Variants in FER1L6 observed in about 807,000 individuals in gnomAD.
FER1L6 encodes the protein fer-1-like protein 6.
A neutral mutation model predicts 219.2 loss-of-function variants in FER1L6; 177 were observed. The observed-to-expected ratio is 0.81, with a 90% CI of 0.71 to 0.91. The LOEUF (loss-of-function observed/expected upper bound fraction) is 0.91. Ranked by LOEUF, FER1L6 falls within the 40% of genes least tolerant of loss-of-function variation. The pLI is 0.00. For missense variants in FER1L6, 2,153 were observed against 2,259.9 expected (o/e 0.95, Z 0.96); for synonymous variants, 768 against 824.3 (o/e 0.93, Z 1.17).
At chr8:123,885,594 T>G (rs111623690) in intron 1 of FER1L6, among the ~76,000 whole-genome samples, 3,731 of 152,318 alleles carry the variant, frequency 0.024, 102 homozygotes, top group Non-Finnish European at 0.034. Context: ...GATTTAGGTA[T>G]TATTACTATT....
intron 1 of FER1L6, among the ~76,000 whole-genome samples, chr8:123,923,445 A>T (rs566209674): frequency 1.6e-4 from 25 of 152,220 alleles, no homozygotes; most frequent in Non-Finnish European, 2.9e-4. Flanking sequence ...GCAACTTCAT[A>T]TAGTTCAACT....
intron 1 of FER1L6, among the ~76,000 whole-genome samples, chr8:123,867,103 C>G (rs544339911): frequency 8.8e-4 from 134 of 152,116 alleles, no homozygotes; most frequent in Admixed American, 2.8e-3. Flanking sequence ...TTTTTGTTGC[C>G]TGTGCTCTTG....
chr8:124,011,508 C>G (rs1057486422), intron 14 of FER1L6, among the ~76,000 whole-genome samples: 1 of 151,842 alleles, frequency 6.6e-6, no homozygotes, highest in Non-Finnish European at 1.5e-5. Flanking sequence ...TACTACCACC[C>G]CTGGCTAATT....
intron 6 of FER1L6, among the ~76,000 whole-genome samples, chr8:123,971,458 C>G (rs906566326): frequency 2.0e-5 from 3 of 152,220 alleles, no homozygotes; most frequent in Admixed American, 1.3e-4. Context: ...TAAGGATTGT[C>G]TGATGAACAG....
intron 1 of FER1L6, among the ~76,000 whole-genome samples, chr8:123,909,376 C>T (rs979110887): frequency 3.3e-5 from 5 of 151,974 alleles, no homozygotes; most frequent in African/African-American, 4.8e-5. Context: ...GCAGTGAGGG[C>T]GTGGGATCAT....
At chr8:123,973,072 G>C (rs879756253) in intron 6 of FER1L6, among the ~76,000 whole-genome samples, 2 of 152,158 alleles carry the variant, frequency 1.3e-5, no homozygotes, top group Non-Finnish European at 2.9e-5. Context: ...GCGGAGAAAA[G>C]GAACACTTTC....
intron 11 of FER1L6, among the ~76,000 whole-genome samples, chr8:123,983,109 T>C (rs1385588602): frequency 1.3e-5 from 2 of 152,232 alleles, no homozygotes; most frequent in Admixed American, 6.5e-5. Context: ...CACAGTGGGC[T>C]TCAACCTTCC....
chr8:123,956,101 A>T (rs1226530421), intron 2 of FER1L6, 27 bp downstream of exon 2: 2 of 1,593,958 alleles, frequency 1.3e-6, no homozygotes, highest in Non-Finnish European at 1.7e-6. Flanking sequence ...GGTGCTGACC[A>T]TTGGGGCCTG....
rs536538742 is a variant in FER1L6 at position 123,865,954 on chromosome 8, G to A, written c.-8+13769G>A. Among the ~76,000 whole-genome samples, 313 of 151,452 alleles carry A rather than the reference G, an allele frequency of 2.1e-3. 14 individuals are homozygous for A. Among genetic ancestry groups the A allele is most frequent in the African/African-American group, 7.3e-3 (298 of 40,738 alleles). ...ATCACCCGTCTTCTGCGTCGCTCACGCTGGGAGCTGTAGACCGGAGCTGTT... is the reference window on the plus strand; with the variant it reads ...ATCACCCGTCTTCTGCGTCGCTCACACTGGGAGCTGTAGACCGGAGCTGTT... On this transcript the variant is annotated intron_variant, in intron 1 of 40. Coordinates refer to ENST00000522917, the MANE Select transcript of FER1L6 (RefSeq NM_001039112.2).
chr8:124,114,065 T>C (rs961592894), intron 39 of FER1L6, among the ~76,000 whole-genome samples: 2 of 152,334 alleles, frequency 1.3e-5, no homozygotes, highest in South Asian at 2.1e-4. Flanking sequence ...ATTGGTTTTA[T>C]AAAAATTTTT....
rs1434859039 is a variant in FER1L6, at chr8:124,076,318, T to A, written c.4213T>A (p.Phe1405Ile). 2.5e-6 allele frequency: 4 copies of A among 1,613,640 alleles called. No homozygotes were observed. Among genetic ancestry groups the A allele is most frequent in the South Asian group, 1.1e-5 (1 of 91,040 alleles). The part of the protein sequence containing the change: ...KYIPKQLNPV[F>I]GRSFEIQATF... ...CATCCCTAAACAACTGAACCCAGTATTTGGAAGGTCAGTGGCCATCTGGGC... is the reference window on the plus strand; with the variant it reads ...CATCCCTAAACAACTGAACCCAGTAATTGGAAGGTCAGTGGCCATCTGGGC... Residue 1405 changes from phenylalanine to isoleucine, a missense_variant, in exon 32 of 41, where the codon TTT becomes ATT. Phe to Ile is a conservative substitution (Grantham distance 21). Coordinates refer to ENST00000522917, the MANE Select transcript of FER1L6 (RefSeq NM_001039112.2).
At chr8:124,002,193 A>T (rs949750627) in intron 12 of FER1L6, among the ~76,000 whole-genome samples, 1 of 152,188 alleles carries the variant, frequency 6.6e-6, no homozygotes, top group Admixed American at 6.5e-5. Flanking sequence ...CATTAGTAGA[A>T]GGCAATTCTG....
chr8:124,086,296 T>A (rs1821782042), intron 33 of FER1L6, among the ~76,000 whole-genome samples: 3 of 152,156 alleles, frequency 2.0e-5, no homozygotes, highest in Admixed American at 2.0e-4. Flanking sequence ...TTCCTTTTAG[T>A]GAAGGTGATT....
chr8:123,985,833 A>G (rs1400599860), intron 11 of FER1L6: 5 of 411,824 alleles, frequency 1.2e-5, no homozygotes, highest in African/African-American at 4.1e-5. Flanking sequence ...GTTTTAAGGT[A>G]GAAGCTCAGA....
At chr8:123,995,313 T>C (rs1817077881) in intron 12 of FER1L6, among the ~76,000 whole-genome samples, 1 of 152,230 alleles carries the variant, frequency 6.6e-6, no homozygotes, top group Admixed American at 6.5e-5. Flanking sequence ...TGGACTTTTC[T>C]TTGTGAGGAG....
intron 1 of FER1L6, among the ~76,000 whole-genome samples, chr8:123,879,610 C>T (rs756856530): frequency 6.6e-6 from 1 of 152,120 alleles, no homozygotes; most frequent in Non-Finnish European, 1.5e-5. Context: ...CAGGCATGAA[C>T]CACCGTGCCT....
At chr8:124,090,278 C>G (rs1009135386) in intron 33 of FER1L6, among the ~76,000 whole-genome samples, 1 of 152,214 alleles carries the variant, frequency 6.6e-6, no homozygotes, top group African/African-American at 2.4e-5. Flanking sequence ...CTAGTGGAAC[C>G]ATATGCCTCT....
At chr8:124,117,249 G>A (rs77133345) in intron 39 of FER1L6, among the ~76,000 whole-genome samples, 1 of 152,142 alleles carries the variant, frequency 6.6e-6, no homozygotes, top group Non-Finnish European at 1.5e-5. Context: ...ACATAAGGGA[G>A]ACCTACCTTG....
intron 1 of FER1L6, among the ~76,000 whole-genome samples, chr8:123,930,143 A>G (rs1813714302): frequency 1.3e-5 from 2 of 152,212 alleles, no homozygotes; most frequent in African/African-American, 4.8e-5. Context: ...GACAGAATCC[A>G]CTGATCTTAT....
Sources: gnomAD v4.1 joint callset for allele counts (sites outside exome capture counted in the v4.1 genomes callset) on GRCh38, gnomAD v4.1.1 for gene constraint, MANE v1.5 for transcripts, NCBI Gene and HGNC (gene_info 2026-07-23, HGNC 2026-07-21) for gene names.